Variants in PTPN14 observed in about 807,000 individuals in gnomAD.
PTPN14 encodes the protein tyrosine-protein phosphatase non-receptor type 14.
A neutral mutation model predicts 126.8 loss-of-function variants in PTPN14; 53 were observed. The observed-to-expected ratio is 0.42, with a 90% CI of 0.34 to 0.53. PTPN14 has a LOEUF of 0.53. PTPN14 is among the 20% of genes least tolerant of loss of function. PTPN14 has a pLI of 0.08. For missense variants in PTPN14, 1,257 were observed against 1,552.9 expected, an observed-to-expected ratio of 0.81 and a Z score of 3.20; for synonymous variants, 630 against 599.3, an observed-to-expected ratio of 1.05 and a Z score of -0.75.
rs1414320140 is a variant in PTPN14 at position 214,378,056 on chromosome 1, G to A, written c.2591C>T (p.Pro864Leu). 2.5e-6 allele frequency: 4 copies of A among 1,611,594 alleles called. No homozygotes were observed. The highest frequency in any genetic ancestry group is 1.3e-5 in the African/African-American group (1 of 74,604). Residue 864 changes from proline to leucine, a missense_variant, in exon 14 of 19, where the codon CCG becomes CTG. Pro to Leu is a moderately conservative substitution (Grantham distance 98). This residue lies in a region of PTPN14 where 1,021 missense variants were observed against 1,183.3 expected (regional missense o/e 0.86). Coordinates refer to ENST00000366956, the MANE Select transcript of PTPN14 (RefSeq NM_005401.5). Reference sequence around the variant, plus strand: ...CCCATTCAATGCTGCCAACATCAGCGGCCTCTTCTGTGCCTCCAGGCCTGC... The same window carrying A: ...CCCATTCAATGCTGCCAACATCAGCAGCCTCTTCTGTGCCTCCAGGCCTGC... Reference protein sequence around the residue: ...KMAGLEAQKRPLMLAALNGLS... With the variant: ...KMAGLEAQKRLLMLAALNGLS...
At chr1:214,372,613 G>A (rs929817813) in intron 16 of PTPN14, 98 bp downstream of exon 16, 1 of 1,552,718 alleles carries the variant, frequency 6.4e-7, no homozygotes, top group African/African-American at 1.4e-5. Flanking sequence ...AGCACTGCAG[G>A]AAGAAGGATA....
chr1:214,437,190 A>C (rs1225746531), intron 3 of PTPN14, among the ~76,000 whole-genome samples: 1 of 152,140 alleles, frequency 6.6e-6, no homozygotes, highest in Non-Finnish European at 1.5e-5. Flanking sequence ...TAATTTACCT[A>C]TTATTTCATC....
At chr1:214,497,102 G>A (rs1002894422) in intron 1 of PTPN14, among the ~76,000 whole-genome samples, 1 of 151,860 alleles carries the variant, frequency 6.6e-6, no homozygotes, top group African/African-American at 2.4e-5. Context: ...CAGAAATTGA[G>A]CTCTATTGGG....
chr1:214,508,827 T>C (rs1266499771), intron 1 of PTPN14, among the ~76,000 whole-genome samples: 1 of 152,240 alleles, frequency 6.6e-6, no homozygotes, highest in Non-Finnish European at 1.5e-5. Flanking sequence ...TTAACAAGCA[T>C]GAAAGCAACG....
At chr1:214,464,607 G>T (rs369491846) in intron 2 of PTPN14, 23 bp downstream of exon 2, 1 of 1,610,820 alleles carries the variant, frequency 6.2e-7, no homozygotes, top group African/African-American at 1.3e-5. Context: ...GCGCACATGC[G>T]CACACAGACA....
chr1:214,428,158 G>GA (rs1296253084), intron 3 of PTPN14, among the ~76,000 whole-genome samples: 5 of 152,120 alleles, frequency 3.3e-5, no homozygotes, highest in African/African-American at 1.2e-4. Context: ...ATGCCAGTCA[G>GA]AAAAAATGAC....
intron 11 of PTPN14, among the ~76,000 whole-genome samples, chr1:214,388,698 G>A (rs1036487126): frequency 3.3e-5 from 5 of 152,240 alleles, no homozygotes; most frequent in Admixed American, 2.0e-4. Flanking sequence ...GTGAGCTACC[G>A]TGCCCAGCCA....
intron 1 of PTPN14, among the ~76,000 whole-genome samples, chr1:214,513,135 AG>A (rs1469201661): frequency 2.7e-4 from 41 of 152,222 alleles, no homozygotes; most frequent in African/African-American, 9.9e-4. Flanking sequence ...GGTCTGGGAT[AG>A]GAAGCAGCAG....
intron 1 of PTPN14, among the ~76,000 whole-genome samples, chr1:214,526,429 GC>G (rs1202348358): frequency 6.6e-6 from 1 of 151,982 alleles, no homozygotes; most frequent in Non-Finnish European, 1.5e-5. Flanking sequence ...AAGGAAAAAT[GC>G]CATTTGAATA....
At chr1:214,473,001 T>C (rs1203836197) in intron 1 of PTPN14, among the ~76,000 whole-genome samples, 1 of 152,232 alleles carries the variant, frequency 6.6e-6, no homozygotes, top group Non-Finnish European at 1.5e-5. Context: ...ATAGGCTACA[T>C]TGCAAGAGAA....
chr1:214,492,842 G>A (rs992419650), intron 1 of PTPN14, among the ~76,000 whole-genome samples: 3 of 150,606 alleles, frequency 2.0e-5, no homozygotes, highest in South Asian at 2.1e-4. Flanking sequence ...AGGTTGCAGT[G>A]AGCCAAGATC....
chr1:214,409,294 C>A (rs192757934), intron 5 of PTPN14, among the ~76,000 whole-genome samples: 1 of 152,226 alleles, frequency 6.6e-6, no homozygotes, highest in Non-Finnish European at 1.5e-5. Flanking sequence ...AGTTCAACTT[C>A]TTTTGATTCC....
chr1:214,358,743 T>C (rs1342578278), intron 18 of PTPN14, among the ~76,000 whole-genome samples: 8 of 71,854 alleles, frequency 1.1e-4, no homozygotes, highest in African/African-American at 6.2e-4. Flanking sequence ...TTACTCATTA[T>C]TCCTTTTTTT....
intron 1 of PTPN14, among the ~76,000 whole-genome samples, chr1:214,506,191 TC>T (rs2102437615): frequency 6.6e-6 from 1 of 152,264 alleles, no homozygotes; most frequent in African/African-American, 2.4e-5. Context: ...AGAGCCAATT[TC>T]CGCTAGCTTT....
intron 1 of PTPN14, among the ~76,000 whole-genome samples, chr1:214,486,805 A>T (rs4480328): frequency 0.84 from 127,969 of 152,106 alleles, 54,128 homozygotes; most frequent in African/African-American, 0.95. Flanking sequence ...CATAGGCCAA[A>T]CTCAATACTG....
At chr1:214,393,624 C>T (rs1571970873) in intron 10 of PTPN14, 71 bp downstream of exon 10, 3 of 1,208,688 alleles carry the variant, frequency 2.5e-6, no homozygotes, top group South Asian at 1.3e-5. Flanking sequence ...AAGAGATCTA[C>T]AGCACCCCAA....
chr1:214,395,959 A>C (rs1189796355), intron 8 of PTPN14, among the ~76,000 whole-genome samples: 1 of 151,954 alleles, frequency 6.6e-6, no homozygotes, highest in East Asian at 1.9e-4. Flanking sequence ...GCAGTCCCCT[A>C]CCGGTCACCA....
chr1:214,418,770 T>A (rs1317216908), intron 3 of PTPN14, among the ~76,000 whole-genome samples: 4 of 152,350 alleles, frequency 2.6e-5, no homozygotes. Context: ...GGCCAATGGT[T>A]ATTCAGATCT....
rs749868924 is a variant in PTPN14 at position 214,378,052 on chromosome 1, C to G, written c.2595G>C (p.Leu865=). The change falls in exon 14 of 19, where the codon CTG becomes CTC. Residue 865 remains leucine (L), a synonymous_variant. Transcript: ENST00000366956. ...MAGLEAQKRP[L]MLAALNGLSV... is the part of the protein sequence containing the mutation. ...AGAGCCCATTCAATGCTGCCAACATCAGCGGCCTCTTCTGTGCCTCCAGGC... is the reference window on the plus strand; with the variant it reads ...AGAGCCCATTCAATGCTGCCAACATGAGCGGCCTCTTCTGTGCCTCCAGGC... 6.2e-7 allele frequency: 1 copy of G among 1,612,758 alleles called. No individual in the cohort carries two copies. The highest frequency in any genetic ancestry group is 2.2e-5 in the East Asian group (1 of 44,870).
Sources: gnomAD v4.1 joint callset for allele counts (sites outside exome capture counted in the v4.1 genomes callset) on GRCh38, gnomAD v4.1.1 for gene constraint, gnomAD v4.1.1 regional missense constraint, MANE v1.5 for transcripts, NCBI Gene and HGNC (gene_info 2026-07-23, HGNC 2026-07-21) for gene names.